The following RARB variants were observed in gnomAD, a reference collection of about 807,000 sequenced individuals.
The protein encoded by RARB is HBV-activated protein.
RARB carries 17 observed loss-of-function variants against 51.9 expected under a neutral mutation model. The ratio of observed to expected loss-of-function variants is 0.33; its 90% CI spans 0.22 to 0.49. The LOEUF (loss-of-function observed/expected upper bound fraction) is 0.49, where lower values mean the gene tolerates loss of function less well. Among genes scored for constraint, RARB ranks in the 20% least tolerant of loss-of-function variants. RARB has a pLI of 0.99. For missense variants in RARB, 369 were observed against 550.8 expected (o/e 0.67, Z 3.30); for synonymous variants, 215 against 195.4 (o/e 1.10, Z -0.84).
chr3:25,354,726 A>T lies in RARB; in HGVS notation c.179-106467A>T, dbSNP rs1422455990. Among the ~76,000 whole-genome samples, 3 of 152,096 alleles carry T rather than the reference A, an allele frequency of 2.0e-5. No individual in the cohort carries two copies. The East Asian group carries it at 5.8e-4, about 29-fold the overall frequency. ...ATCTTGCTTTTGTTGGGTTTGATGT[A>T]TTGGAGACAGGGTTAGATACACTGA... On this transcript the variant is annotated intron_variant, in intron 5 of 11. Coordinates refer to the RARB transcript ENST00000383772.
intron 3 of RARB, among the ~76,000 whole-genome samples, chr3:25,557,137 TCACACACACACACACA>T (rs55731301): frequency 0.24 from 34,239 of 145,406 alleles, 4,357 homozygotes; most frequent in East Asian, 0.41. Flanking sequence ...GGCATTGCAT[TCACACACACACACACA>T]CACACACACA....
At chr3:25,239,093 T>C (rs1342130638) in intron 5 of RARB, among the ~76,000 whole-genome samples, 1 of 152,196 alleles carries the variant, frequency 6.6e-6, no homozygotes, top group Non-Finnish European at 1.5e-5. Context: ...CAGTTGACCA[T>C]TTGTATGTTT....
chr3:25,428,703 T>C lies in RARB; in HGVS notation c.-29T>C, dbSNP rs1575393924. On this transcript the variant is annotated 5_prime_UTR_variant, in exon 1 of 8. Coordinates refer to ENST00000330688, the MANE Select transcript of RARB (RefSeq NM_000965.5). Reference sequence around the variant, plus strand: ...GCCTCCACACCTAGAGGATAAGCACTTTTGCAGACATTCAGTGCAAGGGAG... The same window carrying C: ...GCCTCCACACCTAGAGGATAAGCACCTTTGCAGACATTCAGTGCAAGGGAG... The C allele has an allele frequency of 6.3e-7, 1 of 1,593,898 alleles. No individual in the cohort carries two copies. The highest frequency in any genetic ancestry group is 1.3e-5 in the African/African-American group (1 of 74,730).
intron 2 of RARB, among the ~76,000 whole-genome samples, chr3:25,044,526 C>T (rs1039891514): frequency 3.9e-5 from 6 of 152,108 alleles, no homozygotes; most frequent in African/African-American, 1.4e-4. Context: ...CAGACCTTGT[C>T]GTAGTAATCA....
rs73620789 is a variant in RARB at position 24,980,277 on chromosome 3, T to G, written c.-379-79848T>G. Among the ~76,000 whole-genome samples, 1,395 of 152,242 alleles carry G rather than the reference T, an allele frequency of 9.2e-3. 21 individuals are homozygous for G. Among genetic ancestry groups the G allele is most frequent in the African/African-American group, 0.032 (1,314 of 41,534 alleles). Reference sequence around the variant, plus strand: ...GGTTGCTCTTCTCAAGGAGTATCTTTGTGGTGTTCTCTGTATTTCCTGAAT... The same window carrying G: ...GGTTGCTCTTCTCAAGGAGTATCTTGGTGGTGTTCTCTGTATTTCCTGAAT... On this transcript the variant is annotated intron_variant, in intron 2 of 11. Transcript: ENST00000383772.
intron 5 of RARB, among the ~76,000 whole-genome samples, chr3:25,412,926 G>T (rs940855630): frequency 6.6e-6 from 1 of 152,104 alleles, no homozygotes; most frequent in African/African-American, 2.4e-5. Flanking sequence ...GGCTGAGGCA[G>T]GAGAATCACT....
At chr3:24,894,168 G>A (rs755591502) in intron 2 of RARB, among the ~76,000 whole-genome samples, 3 of 151,938 alleles carry the variant, frequency 2.0e-5, no homozygotes, top group African/African-American at 4.8e-5. Context: ...TGTTTACCTG[G>A]GTATATTGCA....
At chr3:25,077,193 G>A (rs1420659545) in intron 3 of RARB, among the ~76,000 whole-genome samples, 1 of 152,166 alleles carries the variant, frequency 6.6e-6, no homozygotes, top group Non-Finnish European at 1.5e-5. Flanking sequence ...TAAACCAAGT[G>A]CATTGGAGCA....
chr3:24,960,384 T>G (rs1233900431), intron 2 of RARB, among the ~76,000 whole-genome samples: 1 of 152,220 alleles, frequency 6.6e-6, no homozygotes, highest in Non-Finnish European at 1.5e-5. Flanking sequence ...ACATTTTGTT[T>G]CCTAGGAAAA....
chr3:25,494,253 G>GCACGCACGCACACA (rs1553623182), intron 2 of RARB, among the ~76,000 whole-genome samples: 2 of 131,850 alleles, frequency 1.5e-5, no homozygotes, highest in East Asian at 4.1e-4. Flanking sequence ...TGTATCTTAC[G>GCACGCACGCACACA]CACACACACA....
At chr3:25,076,963 A>G (rs1440033435) in intron 3 of RARB, among the ~76,000 whole-genome samples, 1 of 152,206 alleles carries the variant, frequency 6.6e-6, no homozygotes, top group African/African-American at 2.4e-5. Context: ...ATTGTAAGTG[A>G]GGACATCAGG....
chr3:24,889,919 AAAAAG>A (rs1703345188), intron 2 of RARB, among the ~76,000 whole-genome samples: 1 of 151,952 alleles, frequency 6.6e-6, no homozygotes, highest in Non-Finnish European at 1.5e-5. Context: ...AAAAAAAAAA[AAAAAG>A]AAAAAGACTC....
At chr3:25,017,359 C>T (rs777656039) in intron 2 of RARB, among the ~76,000 whole-genome samples, 16 of 148,750 alleles carry the variant, frequency 1.1e-4, no homozygotes, top group Non-Finnish European at 2.2e-4. Flanking sequence ...AAAGTTTAAA[C>T]AAGTCAGTTC....
At chr3:25,279,247 TC>T (rs1281350073) in intron 5 of RARB, among the ~76,000 whole-genome samples, 3 of 152,140 alleles carry the variant, frequency 2.0e-5, no homozygotes, top group African/African-American at 7.2e-5. Flanking sequence ...CCTTCAAACT[TC>T]CTTCTACTCA....
At chr3:25,259,466 C>G (rs1333668128) in intron 5 of RARB, among the ~76,000 whole-genome samples, 2 of 152,166 alleles carry the variant, frequency 1.3e-5, no homozygotes, top group East Asian at 3.9e-4. Context: ...TCCATTCTCT[C>G]TTCCCTTTAT....
chr3:25,192,962 A>G (rs1273470311), intron 5 of RARB, among the ~76,000 whole-genome samples: 1 of 152,060 alleles, frequency 6.6e-6, no homozygotes, highest in Non-Finnish European at 1.5e-5. Context: ...CATGAAGCTT[A>G]CATTCTAGAA....
intron 2 of RARB, among the ~76,000 whole-genome samples, chr3:24,950,751 G>A (rs1175186249): frequency 6.6e-6 from 1 of 150,942 alleles, no homozygotes; most frequent in Non-Finnish European, 1.5e-5. Flanking sequence ...GAGAAAGAGA[G>A]GATATCATAT....
intron 1 of RARB, among the ~76,000 whole-genome samples, chr3:24,855,437 C>T (rs1386454505): frequency 6.6e-6 from 1 of 152,154 alleles, no homozygotes; most frequent in Non-Finnish European, 1.5e-5. Context: ...GCAGACTTGA[C>T]TTCTGTATGT....
At chr3:25,214,467 T>C (rs1561114) in intron 5 of RARB, among the ~76,000 whole-genome samples, 72,206 of 152,092 alleles carry the variant, frequency 0.47, 18,166 homozygotes, top group East Asian at 0.68. Context: ...TAAAAATAAA[T>C]TTAAAATAAC....
Sources: allele counts gnomAD v4.1 joint callset (sites outside exome capture counted in the v4.1 genomes callset), GRCh38; gene constraint gnomAD v4.1.1; transcripts MANE v1.5; gene names NCBI Gene and HGNC (gene_info 2026-07-23, HGNC 2026-07-21).